Variants in SHQ1 observed in about 807,000 individuals in gnomAD.
The protein encoded by SHQ1 is SHQ1, H/ACA ribonucleoprotein assembly factor, also known as protein SHQ1 homolog.
In SHQ1, 49 loss-of-function variants were observed where a neutral mutation model predicts 53.8. The ratio of observed to expected loss-of-function variants is 0.91; its 90% CI spans 0.72 to 1.16. SHQ1 has a LOEUF of 1.16. Ranked by LOEUF, SHQ1 falls within the 50% of genes most tolerant of loss-of-function variation. The pLI is 0.00. For missense variants in SHQ1, 738 were observed against 683.1 expected (o/e 1.08, Z -0.90); for synonymous variants, 243 against 251.0 (o/e 0.97, Z 0.30).
chr3:72,835,102 G>T (rs867247470), intron 4 of SHQ1, among the ~76,000 whole-genome samples: 38 of 145,924 alleles, frequency 2.6e-4, no homozygotes, highest in African/African-American at 9.8e-4. Flanking sequence ...TCCTCCATCA[G>T]CTTCTTTTTT....
intron 1 of SHQ1, among the ~76,000 whole-genome samples, chr3:72,845,412 A>G (rs144042220): frequency 0.011 from 1,605 of 151,924 alleles, 44 homozygotes; most frequent in African/African-American, 0.037. Context: ...GAACCCAGGA[A>G]GGGGAGGTTG....
chr3:72,826,774 G>C lies in SHQ1; in HGVS notation c.600-2223C>G, dbSNP rs73841414. 3.7e-3 allele frequency among the ~76,000 whole-genome samples: 564 copies of C among 152,262 alleles called. 2 individuals are homozygous for C. Among genetic ancestry groups the C allele is most frequent in the African/African-American group, 0.012 (514 of 41,558 alleles). ...ATGAAAAACTGGTTGGCGAAGGCTA[G>C]AAAACAAGAAGGCACATTTAAGGGA... On this transcript the variant is annotated intron_variant, in intron 5 of 10. Transcript: ENST00000325599.
intron 10 of SHQ1, among the ~76,000 whole-genome samples, chr3:72,785,568 A>G (rs79315270): frequency 0.03 from 4,573 of 152,314 alleles, 200 homozygotes; most frequent in African/African-American, 0.09. Flanking sequence ...GACCCCTGAA[A>G]TGTTAACAGT....
intron 10 of SHQ1, chr3:72,772,857 A>C: frequency 1.3e-6 from 1 of 776,688 alleles, no homozygotes; most frequent in Non-Finnish European, 2.4e-6. Context: ...TTGCCCCATC[A>C]AAATGGGAAG....
At chr3:72,822,692 T>C (rs1299996079) in intron 6 of SHQ1, among the ~76,000 whole-genome samples, 3 of 152,346 alleles carry the variant, frequency 2.0e-5, no homozygotes, top group African/African-American at 7.2e-5. Context: ...TCAAACTTCA[T>C]GATCAGATCT....
chr3:72,836,488 C>CA (rs967958110), intron 4 of SHQ1, among the ~76,000 whole-genome samples: 254 of 140,002 alleles, frequency 1.8e-3, no homozygotes, highest in Middle Eastern at 3.7e-3. Flanking sequence ...GACTCCGTCT[C>CA]AAAAAAAAAA....
At chr3:72,748,733 AAACC>A (rs1705305523), downstream of SHQ1, among the ~76,000 whole-genome samples, 2 of 152,002 alleles carry the variant, frequency 1.3e-5, no homozygotes, top group South Asian at 2.1e-4. Context: ...ACACAAAACA[AAACC>A]AACCAAACAA....
chr3:72,822,322 T>C (rs978408224), intron 6 of SHQ1, among the ~76,000 whole-genome samples: 1 of 152,106 alleles, frequency 6.6e-6, no homozygotes, highest in Non-Finnish European at 1.5e-5. Flanking sequence ...AGACTATGAC[T>C]GTTCCTGATG....
At chr3:72,832,916 T>C (rs918263215) in intron 4 of SHQ1, among the ~76,000 whole-genome samples, 1 of 152,196 alleles carries the variant, frequency 6.6e-6, no homozygotes, top group African/African-American at 2.4e-5. Context: ...TCAGCTGGTC[T>C]AAAGAAGCAT....
intron 5 of SHQ1, among the ~76,000 whole-genome samples, chr3:72,831,774 T>C (rs1319944753): frequency 1.3e-5 from 2 of 152,240 alleles, no homozygotes; most frequent in African/African-American, 4.8e-5. Context: ...ATAAGTTCTT[T>C]ATGCAAATTT....
At chr3:72,773,376 T>G in intron 10 of SHQ1, 1 of 494,104 alleles carries the variant, frequency 2.0e-6, no homozygotes, top group Non-Finnish European at 3.9e-6. Flanking sequence ...GATGACACAG[T>G]ACATCCCTCA....
chr3:72,741,005 G>A, the SHQ1 span, among the ~76,000 whole-genome samples: 1 of 152,178 alleles, frequency 6.6e-6, no homozygotes, highest in Non-Finnish European at 1.5e-5. Flanking sequence ...ATTTCCGGGA[G>A]CAGGACTTGG....
chr3:72,788,530 G>A (rs1018074361), intron 10 of SHQ1, among the ~76,000 whole-genome samples: 19 of 150,740 alleles, frequency 1.3e-4, no homozygotes, highest in Non-Finnish European at 2.5e-4. Context: ...CCGCCCCGTC[G>A]GGGAAGTGAG....
chr3:72,842,774 C>A (rs986271163), intron 2 of SHQ1, among the ~76,000 whole-genome samples: 1 of 152,088 alleles, frequency 6.6e-6, no homozygotes, highest in Admixed American at 6.5e-5. Flanking sequence ...GCTGTCATTT[C>A]TATCAAAAAT....
At chr3:72,790,599 T>C (rs977036243) in intron 10 of SHQ1, among the ~76,000 whole-genome samples, 18 of 152,286 alleles carry the variant, frequency 1.2e-4, no homozygotes, top group African/African-American at 4.3e-4. Context: ...TACACTGCAG[T>C]AGAATTATTT....
intron 9 of SHQ1, chr3:72,794,694 A>G (rs534271767): frequency 3.3e-5 from 5 of 152,154 alleles, no homozygotes; most frequent in African/African-American, 1.2e-4. Context: ...TCTTCCCTGC[A>G]TATGTTCTCA....
chr3:72,765,778 C>T (rs1256132497), intron 10 of SHQ1, among the ~76,000 whole-genome samples: 2 of 151,760 alleles, frequency 1.3e-5, no homozygotes, highest in Non-Finnish European at 2.9e-5. Flanking sequence ...GTCTCGAACT[C>T]CTGACCTCAG....
At chr3:72,791,873 T>C (rs2106791917) in intron 10 of SHQ1, among the ~76,000 whole-genome samples, 1 of 152,338 alleles carries the variant, frequency 6.6e-6, no homozygotes, top group South Asian at 2.1e-4. Flanking sequence ...TCTTAATTAA[T>C]AGCCTCTTGC....
downstream of SHQ1, among the ~76,000 whole-genome samples, chr3:72,748,329 C>CAAAAAAAAAAAAAAAAAAAAAAAAAAAAA (rs572927520): frequency 1.4e-4 from 8 of 58,792 alleles, 1 homozygote; most frequent in Non-Finnish European, 2.1e-4. Context: ...ATGAGGCATG[C>CAAAAAAAAAAAAAAAAAAAAAAAAAAAAA]AAAAAAAAAA....
Sources: gnomAD v4.1 joint callset for allele counts (sites outside exome capture counted in the v4.1 genomes callset) on GRCh38, gnomAD v4.1.1 for gene constraint, MANE v1.5 for transcripts, NCBI Gene and HGNC (gene_info 2026-07-23, HGNC 2026-07-21) for gene names.